FRYL: variants seen among roughly 807,000 people sequenced by gnomAD.
FRYL encodes the protein protein furry homolog-like.
A neutral mutation model predicts 351.2 loss-of-function variants in FRYL; 150 were observed. The observed-to-expected ratio is 0.43, with a 90% CI of 0.37 to 0.49. FRYL has a LOEUF of 0.49. FRYL is among the 20% of genes least tolerant of loss of function. The pLI is 0.00. For missense variants in FRYL, 3,036 were observed against 3,619.3 expected (o/e 0.84, Z 4.13); for synonymous variants, 1,153 against 1,257.1 (o/e 0.92, Z 1.75).
chr4:48,583,540 C>A (rs1440103875), intron 19 of FRYL, among the ~76,000 whole-genome samples: 1 of 150,698 alleles, frequency 6.6e-6, no homozygotes, highest in Non-Finnish European at 1.5e-5. Context: ...CAATGCAACA[C>A]AATAATTATT....
Position 48,567,161 on chromosome 4 carries a change from T to C in FRYL, c.3169+87A>G. On this transcript the variant is annotated intron_variant, in intron 28 of 63. Coordinates refer to ENST00000358350, the MANE Select transcript of FRYL (RefSeq NM_015030.2). The surrounding 1 kb of genome is among the most constrained non-coding windows in gnomAD (Gnocchi z 4.2). ...TCCAGTATGTTCATACGTTACTTTA[T>C]CAACTTAGATTATTAAACCTCAAGG... 9.2e-7 allele frequency: 1 copy of C among 1,085,510 alleles called. No individual in the cohort carries two copies. The highest frequency in any genetic ancestry group is 1.3e-6 in the Non-Finnish European group (1 of 760,656). 67.2% of individuals were successfully genotyped at this position (1,085,510 alleles called of 1,614,324 possible).
intron 3 of FRYL, among the ~76,000 whole-genome samples, chr4:48,641,148 T>A (rs372272821): frequency 1.3e-5 from 2 of 152,210 alleles, no homozygotes; most frequent in East Asian, 3.9e-4. Flanking sequence ...AGAGGAAAAC[T>A]CTACATTTGA....
At chr4:48,600,265 T>C (rs1704057821) in intron 13 of FRYL, among the ~76,000 whole-genome samples, 3 of 152,170 alleles carry the variant, frequency 2.0e-5, no homozygotes, top group Non-Finnish European at 4.4e-5. Context: ...ACTAGCATAG[T>C]TTTTCCTTCA....
chr4:48,674,145 T>C (rs1283849002), intron 3 of FRYL, among the ~76,000 whole-genome samples: 3 of 152,254 alleles, frequency 2.0e-5, no homozygotes, highest in African/African-American at 7.2e-5. Flanking sequence ...AATATTAATG[T>C]TGATTCCATC....
chr4:48,583,034 T>C (rs1275754517), intron 19 of FRYL, among the ~76,000 whole-genome samples: 1 of 152,198 alleles, frequency 6.6e-6, no homozygotes, highest in African/African-American at 2.4e-5. Context: ...ATCCTTAAAA[T>C]ACTGTATTGT....
At chr4:48,617,150 T>C (rs1394607618) in intron 7 of FRYL, among the ~76,000 whole-genome samples, 1 of 152,032 alleles carries the variant, frequency 6.6e-6, no homozygotes, top group Non-Finnish European at 1.5e-5. Context: ...ATGGGGATAA[T>C]AGTAACAGAG....
chr4:48,671,722 G>C (rs1193309681), intron 3 of FRYL, among the ~76,000 whole-genome samples: 1 of 151,468 alleles, frequency 6.6e-6, no homozygotes, highest in African/African-American at 2.4e-5. Context: ...GCCTGGTGGT[G>C]CACGTCTGTA....
intron 3 of FRYL, among the ~76,000 whole-genome samples, chr4:48,666,385 A>G (rs1315877496): frequency 1.9e-5 from 1 of 52,054 alleles, no homozygotes; most frequent in East Asian, 7.7e-4. Context: ...AATAAAAAGT[A>G]AATAAATAAA....
At chr4:48,684,231 C>T (rs1374955960) in intron 3 of FRYL, among the ~76,000 whole-genome samples, 2 of 152,222 alleles carry the variant, frequency 1.3e-5, no homozygotes, top group South Asian at 4.1e-4. Context: ...TGTCTCTCTA[C>T]CCAAAAAGCT....
At chr4:48,652,839 T>C (rs80241320) in intron 3 of FRYL, among the ~76,000 whole-genome samples, 1 of 152,300 alleles carries the variant, frequency 6.6e-6, no homozygotes, top group African/African-American at 2.4e-5. Context: ...AGCAGCACAG[T>C]TGGGAGCAAA....
chr4:48,590,011 T>G (rs1742908110), intron 17 of FRYL, 134 bp from the exon 18 acceptor site: 1 of 702,096 alleles, frequency 1.4e-6, no homozygotes, highest in Middle Eastern at 3.7e-4. Context: ...CTGTGACATA[T>G]TCTTCTCCCT....
At chr4:48,744,592 T>A (rs6447656) in intron 1 of FRYL, among the ~76,000 whole-genome samples, 149,433 of 152,332 alleles carry the variant, frequency 0.98, 73,354 homozygotes, top group East Asian at 1. Context: ...GTTAAATAAA[T>A]CCTGTGACAT....
chr4:48,661,755 C>A (rs1760771835), intron 3 of FRYL, among the ~76,000 whole-genome samples: 1 of 152,038 alleles, frequency 6.6e-6, no homozygotes, highest in South Asian at 2.1e-4. Context: ...TCCTATAAAA[C>A]CAGTCAATAG....
At chr4:48,547,798 A>C in intron 40 of FRYL, 29 bp from the exon 41 acceptor site, 1 of 1,315,476 alleles carries the variant, frequency 7.6e-7, no homozygotes, top group Non-Finnish European at 1.0e-6. Flanking sequence ...AAACATTATC[A>C]ATAAAGAGAA....
chr4:48,500,205 C>T lies in FRYL; in HGVS notation c.8608G>A (p.Glu2870Lys), dbSNP rs778278290. 1 of 1,581,996 alleles carries T rather than the reference C, an allele frequency of 6.3e-7. No individual in the cohort carries two copies. The highest frequency in any genetic ancestry group is 8.5e-7 in the Non-Finnish European group (1 of 1,172,084). Reference protein sequence around the residue: ...KNEAEVINMSEELAQLESILK... With the variant: ...KNEAEVINMSKELAQLESILK... ...ATACTTTCCAGTTGGGCAAGTTCCT[C>T]TGACATGTTGATGACCTAAAACAAA... Residue 2870 changes from glutamate to lysine, a missense_variant, in exon 63 of 64, where the codon GAG (glutamate) becomes AAG (lysine). Transcript: ENST00000358350.
At chr4:48,537,367 T>C (rs147795607) in intron 47 of FRYL, among the ~76,000 whole-genome samples, 1 of 152,122 alleles carries the variant, frequency 6.6e-6, no homozygotes, top group African/African-American at 2.4e-5. Context: ...CCAAAAAGAG[T>C]GTGTTTTATA....
chr4:48,778,228 C>G lies in FRYL; in HGVS notation c.-384+1850G>C, dbSNP rs569400318. On this transcript the variant is annotated intron_variant, in intron 1 of 63. Coordinates refer to ENST00000358350, the MANE Select transcript of FRYL (RefSeq NM_015030.2). Reference sequence around the variant, plus strand: ...GCTTCCAATTTCCCAAGTAGTTTCTCTATTGTTACTGCTGAGCCTGTGAAT... The same window carrying G: ...GCTTCCAATTTCCCAAGTAGTTTCTGTATTGTTACTGCTGAGCCTGTGAAT... Among the ~76,000 whole-genome samples, 13 of 152,062 alleles carry G rather than the reference C, an allele frequency of 8.5e-5. No individual in the cohort carries two copies. The East Asian group carries it at 2.1e-3, about 25-fold the overall frequency.
At chr4:48,587,214 ATTGT>A (rs1412054881) in intron 18 of FRYL, among the ~76,000 whole-genome samples, 1 of 152,058 alleles carries the variant, frequency 6.6e-6, no homozygotes, top group Admixed American at 6.5e-5. Flanking sequence ...AGGTGTTTAT[ATTGT>A]TTGTTCTTGT....
intron 3 of FRYL, among the ~76,000 whole-genome samples, chr4:48,660,485 G>A (rs1760471543): frequency 6.6e-6 from 1 of 152,118 alleles, no homozygotes; most frequent in South Asian, 2.1e-4. Context: ...CTTTCCTCCT[G>A]GGCATCTAAA....
Sources: gnomAD v4.1 joint callset for allele counts (sites outside exome capture counted in the v4.1 genomes callset) on GRCh38, gnomAD v4.1.1 for gene constraint, Gnocchi (gnomAD v3.1) non-coding constraint, MANE v1.5 for transcripts, NCBI Gene and HGNC (gene_info 2026-07-23, HGNC 2026-07-21) for gene names.